Variants in AARS1 observed in about 807,000 individuals in gnomAD.
AARS1 encodes the protein alanyl-tRNA synthetase 1, also known as alanine--tRNA ligase, cytoplasmic.
AARS1 carries 72 observed loss-of-function variants against 108.9 expected under a neutral mutation model. The observed-to-expected ratio is 0.66, with a 90% CI of 0.55 to 0.80. AARS1 has a LOEUF of 0.80. AARS1 is among the 30% of genes least tolerant of loss of function. AARS1 has a pLI of 0.00. For synonymous variants in AARS1, 489 were observed against 465.7 expected (o/e 1.05, Z -0.64); for missense variants, 1,193 against 1,233.2 (o/e 0.97, Z 0.49).
intron 2 of AARS1, among the ~76,000 whole-genome samples, chr16:70,281,847 C>G (rs1960703586): frequency 1.3e-5 from 2 of 149,824 alleles, no homozygotes; most frequent in Non-Finnish European, 3.0e-5. Context: ...GTGAGACCCT[C>G]TCTCTAAAAA....
At chr16:70,274,966 A>C (rs1286100745) in intron 4 of AARS1, among the ~76,000 whole-genome samples, 1 of 152,054 alleles carries the variant, frequency 6.6e-6, no homozygotes, top group Non-Finnish European at 1.5e-5. Flanking sequence ...GGCTTTCAAC[A>C]ACAGAATGAT....
At chr16:70,264,906 C>G in intron 11 of AARS1, 52 bp downstream of exon 11, 8 of 1,610,006 alleles carry the variant, frequency 5.0e-6, no homozygotes, top group Non-Finnish European at 8.5e-7. Context: ...TTTCAAATAC[C>G]CCCCAGATAC....
At chr16:70,256,820 G>A (rs1960003084) in intron 15 of AARS1, among the ~76,000 whole-genome samples, 2 of 151,954 alleles carry the variant, frequency 1.3e-5, no homozygotes, top group South Asian at 4.2e-4. Context: ...ATGACATTAA[G>A]AATGTTCTTT....
intron 2 of AARS1, among the ~76,000 whole-genome samples, chr16:70,281,535 G>A (rs549690552): frequency 4.6e-5 from 7 of 152,154 alleles, no homozygotes; most frequent in Admixed American, 1.3e-4. Flanking sequence ...GTGTGGTGGC[G>A]CACGCTTGTA....
intron 15 of AARS1, among the ~76,000 whole-genome samples, chr16:70,257,823 G>A (rs1031956465): frequency 6.6e-6 from 1 of 152,136 alleles, no homozygotes; most frequent in African/African-American, 2.4e-5. Flanking sequence ...TTTCCTCCTG[G>A]GAATGTTTCG....
chr16:70,262,682 C>A lies in AARS1; in HGVS notation c.1493-158G>T, dbSNP rs182073969. ...AAACTCATTAGACAATATGAAAGGG[C>A]TTCGCGGCCGGGCGCGGTGGCTCCC... On this transcript the variant is annotated intron_variant, in intron 11 of 20. Coordinates refer to ENST00000261772, the MANE Select transcript of AARS1 (RefSeq NM_001605.3). Among the ~76,000 whole-genome samples the A allele has an allele frequency of 1.3e-3, 204 of 152,234 alleles. 5 individuals carry two copies. The highest frequency in any genetic ancestry group is 4.5e-3 in the African/African-American group (186 of 41,536).
At chr16:70,262,709 CT>C (rs1050112897) in intron 11 of AARS1, among the ~76,000 whole-genome samples, 185 bp from the exon 12 acceptor site, 25 of 151,992 alleles carry the variant, frequency 1.6e-4, no homozygotes, top group Middle Eastern at 3.5e-3. Flanking sequence ...GTGGCTCCCC[CT>C]ATAATCCCAG....
At chr16:70,284,787 C>A (rs964898781) in intron 1 of AARS1, among the ~76,000 whole-genome samples, 1 of 152,150 alleles carries the variant, frequency 6.6e-6, no homozygotes, top group African/African-American at 2.4e-5. Context: ...ATCAAAAAGT[C>A]TCTGGAATTC....
At position 70,263,029 on chromosome 16, in the gene AARS1, T is replaced by C. The variant is rs188767772; in HGVS notation, c.1493-505A>G. 1.4e-3 allele frequency among the ~76,000 whole-genome samples: 199 copies of C among 144,690 alleles called. 3 individuals are homozygous for C. The highest frequency in any genetic ancestry group is 4.7e-3 in the African/African-American group (182 of 39,076). The allele number at this position is 144,690 out of a possible 152,430, so 94.9% of individuals were successfully genotyped here. On this transcript the variant is annotated intron_variant, in intron 11 of 20. Transcript: ENST00000261772. The stretch of plus-strand genomic sequence containing the variant: ...ACAACAAAGGGCTTCGCATGCTGGC[T>C]TTCCATCAAAGAATGCAACACTCTG...
intron 1 of AARS1, among the ~76,000 whole-genome samples, chr16:70,286,888 G>C (rs952407544): frequency 6.6e-6 from 1 of 151,964 alleles, no homozygotes; most frequent in Non-Finnish European, 1.5e-5. Context: ...GGCCGAGGCG[G>C]GTGGATCACC....
At chr16:70,273,624 A>G (rs1269703014) in intron 4 of AARS1, among the ~76,000 whole-genome samples, 1 of 152,056 alleles carries the variant, frequency 6.6e-6, no homozygotes, top group Non-Finnish European at 1.5e-5. Flanking sequence ...GCACTTTGGG[A>G]GGCCAAGGCA....
At chr16:70,255,258 G>A (rs1169437552) in intron 16 of AARS1, among the ~76,000 whole-genome samples, 2 of 143,926 alleles carry the variant, frequency 1.4e-5, no homozygotes, top group Non-Finnish European at 3.0e-5. Context: ...GGAACGCAGT[G>A]GTGCGATCTC....
intron 8 of AARS1, 101 bp downstream of exon 8, chr16:70,268,170 A>C (rs1163795964): frequency 1.3e-5 from 15 of 1,159,302 alleles, no homozygotes; most frequent in Non-Finnish European, 1.9e-5. Flanking sequence ...TCCGTCTCAA[A>C]AAACAGCAAC....
At chr16:70,272,696 T>C (rs1960438248) in intron 4 of AARS1, among the ~76,000 whole-genome samples, 2 of 151,296 alleles carry the variant, frequency 1.3e-5, no homozygotes, top group African/African-American at 4.9e-5. Flanking sequence ...GCCACGCGCA[T>C]TGCTTGAGCT....
Position 70,267,701 on chromosome 16 carries a change from C to A in AARS1, c.1180G>T (p.Asp394Tyr), listed in dbSNP as rs2152160177. Residue 394 changes from aspartate (D) to tyrosine (Y), a missense_variant, in exon 9 of 21, where the codon GAC becomes TAC. Physicochemically the swap from Asp to Tyr is radical, Grantham distance 160. Coordinates refer to ENST00000261772, the MANE Select transcript of AARS1 (RefSeq NM_001605.3). ...KTLSRGRRILDRKIQSLGDSK... is the reference protein window; with the variant it reads ...KTLSRGRRILYRKIQSLGDSK... ...TCTCCCAGGCTCTGAATTTTCCTGT[C>A]CAGGATGCGACGCCCTCTGCTGAGA... 6.2e-7 allele frequency: 1 copy of A among 1,614,148 alleles called. No individual in the cohort carries two copies. The highest frequency in any genetic ancestry group is 1.1e-5 in the South Asian group (1 of 91,080).
rs1421492793 is a variant in AARS1, at chr16:70,258,913, C to T, written c.1992+67G>A. 5.3e-6 allele frequency: 8 copies of T among 1,522,816 alleles called. No individual in the cohort carries two copies. The Admixed American group carries it at 1.2e-4, about 22-fold the overall frequency. The allele number at this position is 1,522,816 out of a possible 1,614,324, so 94.3% of individuals were successfully genotyped here. ...GATACAACAGAGTGAGAGCACCGCA[C>T]TGCTAAGACTGTGGACAGACAGTGA... is the stretch of plus-strand genomic sequence containing the variant. On this transcript the variant is annotated intron_variant, in intron 14 of 20. Transcript: ENST00000261772.
rs967485459 is a variant in AARS1, at chr16:70,270,280, C to T, written c.732G>A (p.Leu244=). Residue 244 remains leucine (L), a synonymous_variant, in exon 6 of 21, where the codon CTG becomes CTA. Coordinates refer to ENST00000261772, the MANE Select transcript of AARS1 (RefSeq NM_001605.3). ...TCTGCAGCACAGATACCAGTCGTTC[C>T]AGGCCCATCCCTGTGTCAATGCTTT... The part of the protein sequence containing the change: ...PKKSIDTGMG[L]ERLVSVLQNK... 3 of 1,614,042 alleles carry T rather than the reference C, an allele frequency of 1.9e-6. No homozygotes were observed. The African/African-American group carries it at 4.0e-5, about 22-fold the overall frequency.
intron 15 of AARS1, 99 bp from the exon 16 acceptor site, chr16:70,255,935 G>A: frequency 8.9e-7 from 1 of 1,121,376 alleles, no homozygotes; most frequent in Admixed American, 2.0e-5. Flanking sequence ...TGGGTTGACA[G>A]TCAGGGAAAG....
chr16:70,262,274 T>C (rs1228447786), intron 12 of AARS1, 72 bp downstream of exon 12: 16 of 1,585,816 alleles, frequency 1.0e-5, no homozygotes, highest in Admixed American at 5.0e-5. Context: ...CCTGGAGCAC[T>C]GTGGGGCAAA....
Sources: gnomAD v4.1 joint callset for allele counts (sites outside exome capture counted in the v4.1 genomes callset) on GRCh38, gnomAD v4.1.1 for gene constraint, MANE v1.5 for transcripts, NCBI Gene and HGNC (gene_info 2026-07-23, HGNC 2026-07-21) for gene names.